The following DNAH9 variants were observed in gnomAD, a reference collection of about 807,000 sequenced individuals.
DNAH9 encodes the protein DNAH9 variant protein.
In DNAH9, 345 loss-of-function variants were observed where a neutral mutation model predicts 471.6. The observed-to-expected ratio is 0.73, with a 90% CI of 0.67 to 0.80. DNAH9 has a LOEUF of 0.80. Ranked by LOEUF, DNAH9 falls within the 30% of genes least tolerant of loss-of-function variation. The pLI is 0.00. For missense variants in DNAH9, 5,407 were observed against 5,609.2 expected (o/e 0.96, Z 1.15); for synonymous variants, 2,093 against 2,123.6 (o/e 0.99, Z 0.40).
At chr17:11,730,238 G>T (rs2075235424) in intron 28 of DNAH9, among the ~76,000 whole-genome samples, 2 of 152,184 alleles carry the variant, frequency 1.3e-5, no homozygotes. Flanking sequence ...AGAGCTGGTT[G>T]TGTGCATGTC....
intron 48 of DNAH9, among the ~76,000 whole-genome samples, chr17:11,827,965 C>T (rs922104954): frequency 6.6e-6 from 1 of 152,162 alleles, no homozygotes; most frequent in African/African-American, 2.4e-5. Flanking sequence ...CTTACTCTCA[C>T]ACCTACACCC....
At chr17:11,682,635 C>T (rs2074155429) in intron 19 of DNAH9, among the ~76,000 whole-genome samples, 1 of 152,080 alleles carries the variant, frequency 6.6e-6, no homozygotes, top group Non-Finnish European at 1.5e-5. Flanking sequence ...AAGCAATGTG[C>T]TGCCAGTTGG....
Position 11,962,240 on chromosome 17 carries a change from C to A in DNAH9, c.13217C>A (p.Ala4406Asp). ...AYIHGLFMEG[A>D]CWDTQAGIIT... ...ATCCATGGCCTCTTCATGGAAGGTG[C>A]CTGCTGGGACACACAGGTAAAGCTT... The change falls in exon 68 of 69, where the codon GCC becomes GAC. Residue 4406 changes from alanine to aspartate, a missense_variant. Physicochemically the swap from Ala to Asp is moderately radical, Grantham distance 126. Around this residue, in one of 3 missense-constraint regions of DNAH9, gnomAD observed 4,636 missense variants for 4,900.3 expected, o/e 0.95. Transcript: ENST00000262442. This position sits in a 1 kb window ranked among gnomAD's most constrained non-coding sequence, Gnocchi z 4.1. 1 of 1,605,274 alleles carries A rather than the reference C, an allele frequency of 6.2e-7. No homozygotes were observed. The highest frequency in any genetic ancestry group is 8.5e-7 in the Non-Finnish European group (1 of 1,175,458).
chr17:11,842,458 T>C (rs1971065903), intron 49 of DNAH9, among the ~76,000 whole-genome samples: 1 of 152,196 alleles, frequency 6.6e-6, no homozygotes, highest in Non-Finnish European at 1.5e-5. Context: ...TAAGGAGTAT[T>C]GACTCCTACC....
In DNAH9 at chr17:11,849,927, A is replaced by G. The variant is rs77826307; in HGVS notation, c.9508-4076A>G. Among the ~76,000 whole-genome samples, 633 of 152,246 alleles carry G rather than the reference A, an allele frequency of 4.2e-3. 4 individuals carry two copies. Among genetic ancestry groups the G allele is most frequent in the African/African-American group, 0.015 (610 of 41,546 alleles). On this transcript the variant is annotated intron_variant, in intron 49 of 68. Transcript: ENST00000262442. ...ATTGATTCATTCATTTATTCACTCA[A>G]CAAAGACTTTTTGAGTGCTCTTCCT... is the stretch of plus-strand genomic sequence containing the variant.
intron 57 of DNAH9, among the ~76,000 whole-genome samples, chr17:11,888,695 A>G (rs1323052053): frequency 1.3e-5 from 2 of 152,218 alleles, no homozygotes; most frequent in African/African-American, 4.8e-5. Context: ...TAACTGCTTT[A>G]TGATAAGTAG....
intron 27 of DNAH9, among the ~76,000 whole-genome samples, chr17:11,723,888 T>C (rs1194011147): frequency 2.6e-5 from 4 of 152,214 alleles, no homozygotes. Flanking sequence ...TTAGCCAGGA[T>C]GGTCTGGATC....
In DNAH9 at chr17:11,611,797, GT is replaced by G. The variant is rs755159856; in HGVS notation, c.904+21del. Reference sequence around the variant, plus strand: ...TTGTTGCAGGTGAGGACCAGCAAGTGTTTTCACAAATGTGTTTGACTCAAGT... The same window carrying G: ...TTGTTGCAGGTGAGGACCAGCAAGTGTTTCACAAATGTGTTTGACTCAAGT... On this transcript the variant is annotated intron_variant, in intron 4 of 68. Coordinates refer to ENST00000262442, the MANE Select transcript of DNAH9 (RefSeq NM_001372.4). 3.1e-6 allele frequency: 5 copies of G among 1,613,562 alleles called. No homozygotes were observed. The South Asian group carries it at 4.4e-5, about 14-fold the overall frequency.
Position 11,778,353 on chromosome 17 carries a change from AAAAAAAAAAG to A in DNAH9, c.7553-2651_7553-2642del, listed in dbSNP as rs1567795842. Among the ~76,000 whole-genome samples the A allele has an allele frequency of 1.7e-3, 236 of 137,980 alleles. 1 individual carries two copies. Among genetic ancestry groups the A allele is most frequent in the Non-Finnish European group, 2.6e-3 (168 of 64,264 alleles). The allele number at this position is 137,980 out of a possible 152,430, so 90.5% of individuals were successfully genotyped here. ...TCAAAAAAAAAAAAAAAAAAAAAAA[AAAAAAAAAAG>A]AAAAGGGAAGAAAAAAAAGAGAAAC... On this transcript the variant is annotated intron_variant, in intron 38 of 68. Transcript: ENST00000262442.
intron 49 of DNAH9, among the ~76,000 whole-genome samples, chr17:11,839,530 G>T (rs959912271): frequency 6.7e-6 from 1 of 149,654 alleles, no homozygotes; most frequent in Admixed American, 6.7e-5. Flanking sequence ...AAAAAAAAAA[G>T]AAAATAACTC....
intron 67 of DNAH9, among the ~76,000 whole-genome samples, chr17:11,952,309 CT>C (rs753276964): frequency 0.011 from 806 of 71,014 alleles, 3 homozygotes; most frequent in African/African-American, 0.046. Context: ...CCAGCTAATT[CT>C]TTTTTTTTTT....
rs1966920673 is a variant in DNAH9 at position 11,747,333 on chromosome 17, G to A, written c.6400-223G>A. Among the ~76,000 whole-genome samples the A allele has an allele frequency of 2.0e-5, 3 of 152,222 alleles. No individual in the cohort carries two copies. The South Asian group carries it at 6.2e-4, about 31-fold the overall frequency. ...TCCCCCTCGCCTGGCACACTCTGTAGCACTTGGTTGGTGACTAATAATTAT... is the reference window on the plus strand; with the variant it reads ...TCCCCCTCGCCTGGCACACTCTGTAACACTTGGTTGGTGACTAATAATTAT... On this transcript the variant is annotated intron_variant, in intron 31 of 68. Coordinates refer to ENST00000262442, the MANE Select transcript of DNAH9 (RefSeq NM_001372.4).
At chr17:11,935,391 T>A (rs1414000078) in intron 65 of DNAH9, among the ~76,000 whole-genome samples, 8 of 133,316 alleles carry the variant, frequency 6.0e-5, no homozygotes, top group African/African-American at 2.0e-4. Context: ...TTTTTTTTTT[T>A]ATAAGACGGA....
Position 11,797,619 on chromosome 17 carries a change from A to T in DNAH9, c.8246A>T (p.Gln2749Leu). The T allele has an allele frequency of 6.2e-7, 1 of 1,613,692 alleles. No homozygotes were observed. Among genetic ancestry groups the T allele is most frequent in the Non-Finnish European group, 8.5e-7 (1 of 1,179,922 alleles). The change falls in exon 43 of 69, where the codon CAG (glutamine) becomes CTG (leucine). Residue 2749 changes from glutamine to leucine, a missense_variant. By Grantham distance (113) the Gln-to-Leu change is moderately radical (BLOSUM62 -2). Coordinates refer to ENST00000262442, the MANE Select transcript of DNAH9 (RefSeq NM_001372.4). ...TFDDIEDPVE[Q>L]TQSPNLYCHF... ...CAGGATATTGAAGACCCTGTGGAGC[A>T]GACCCAAAGCCCGAACCTGTATTGT...
intron 23 of DNAH9, 43 bp downstream of exon 23, chr17:11,699,926 AAATGCCTT>A (rs774379773): frequency 6.2e-7 from 1 of 1,600,350 alleles, no homozygotes; most frequent in Non-Finnish European, 8.6e-7. Context: ...TTTCTCTCTC[AAATGCCTT>A]CATTCAAATA....
chr17:11,627,643 A>C (rs1437653569), intron 6 of DNAH9, among the ~76,000 whole-genome samples: 1 of 152,146 alleles, frequency 6.6e-6, no homozygotes, highest in Non-Finnish European at 1.5e-5. Flanking sequence ...AAAGACTGCC[A>C]CTTTTCCCAC....
At position 11,598,602 on chromosome 17, in the gene DNAH9, G is replaced by A. The variant is rs1223766117; in HGVS notation, c.104G>A (p.Ser35Asn). ...LRLLGTYVAMSLRPAAGAWER... is the reference protein window; with the variant it reads ...LRLLGTYVAMNLRPAAGAWER... The stretch of plus-strand genomic sequence containing the variant: ...CTCCTGGGGACCTACGTGGCCATGA[G>A]CCTGCGGCCGGCTGCGGGCGCCTGG... The change falls in exon 1 of 69, where the codon AGC (serine) becomes AAC (asparagine). Residue 35 changes from serine to asparagine, a missense_variant. Ser to Asn is a conservative substitution (Grantham distance 46). Coordinates refer to ENST00000262442, the MANE Select transcript of DNAH9 (RefSeq NM_001372.4). 2 of 1,341,086 alleles carry A rather than the reference G, an allele frequency of 1.5e-6. No homozygotes were observed. The highest frequency in any genetic ancestry group is 1.5e-5 in the African/African-American group (1 of 64,988). 83.1% of individuals were successfully genotyped at this position (1,341,086 alleles called of 1,614,324 possible). A position where few individuals can be genotyped will look rare whatever the true frequency, so the allele number is the denominator to read the frequency against.
Position 11,781,145 on chromosome 17 carries a change from C to T in DNAH9, c.7689C>T (p.Ile2563=), listed in dbSNP as rs1968652058. ...DAYGTVQPHT[I]IRQHLDYGHW... The stretch of plus-strand genomic sequence containing the variant: ...ACGGGACGGTGCAGCCCCACACCAT[C>T]ATCCGGCAGCATCTGGACTATGGCC... Residue 2563 remains isoleucine (I), a synonymous_variant, in exon 39 of 69, where the codon ATC becomes ATT. Coordinates refer to ENST00000262442, the MANE Select transcript of DNAH9 (RefSeq NM_001372.4). 3 of 1,614,046 alleles carry T rather than the reference C, an allele frequency of 1.9e-6. No homozygotes were observed. Among genetic ancestry groups the T allele is most frequent in the Non-Finnish European group, 1.7e-6 (2 of 1,180,030 alleles).
chr17:11,799,474 C>A (rs1441289276), intron 43 of DNAH9, among the ~76,000 whole-genome samples: 1 of 152,050 alleles, frequency 6.6e-6, no homozygotes, highest in Non-Finnish European at 1.5e-5. Flanking sequence ...TCAAGCGATT[C>A]TCCTTACTTT....
Sources: gnomAD v4.1 joint callset for allele counts (sites outside exome capture counted in the v4.1 genomes callset) on GRCh38, gnomAD v4.1.1 for gene constraint, gnomAD v4.1.1 regional missense constraint, Gnocchi (gnomAD v3.1) non-coding constraint, MANE v1.5 for transcripts, NCBI Gene and HGNC (gene_info 2026-07-23, HGNC 2026-07-21) for gene names.